ANK3: variants seen among roughly 807,000 people sequenced by gnomAD.
The protein encoded by ANK3 is ankyrin 3, also known as ankyrin-3.
Under a neutral mutation model 370.9 loss-of-function variants are expected in ANK3, and 57 were observed. The ratio of observed to expected loss-of-function variants is 0.15; its 90% CI spans 0.12 to 0.19. The LOEUF is 0.19. Ranked by LOEUF, ANK3 falls within the 10% of genes least tolerant of loss-of-function variation. The pLI is 1.00. For synonymous variants in ANK3, 1,929 were observed against 1,946.3 expected (o/e 0.99, Z 0.23); for missense variants, 4,439 against 5,302.1 (o/e 0.84, Z 5.06).
At position 60,074,881 on chromosome 10, in the gene ANK3, G is replaced by A; in HGVS notation, c.6000C>T (p.Ala2000=). 1 of 1,613,784 alleles carries A rather than the reference G, an allele frequency of 6.2e-7. No homozygotes were observed. Among genetic ancestry groups the A allele is most frequent in the Non-Finnish European group, 8.5e-7 (1 of 1,179,930 alleles). ...IEFSSEEIRE[A]RQQAAASQSP... Reference sequence around the variant, plus strand: ...ACTGGCTCGCAGCAGCTTGTTGTCTGGCTTCCCGGATTTCTTCCGAACTAA... The same window carrying A: ...ACTGGCTCGCAGCAGCTTGTTGTCTAGCTTCCCGGATTTCTTCCGAACTAA... Residue 2000 remains alanine (A), a synonymous_variant, in exon 37 of 44, where the codon GCC becomes GCT. Transcript: ENST00000280772.
chr10:60,122,802 A>C (rs1434321684), intron 25 of ANK3, among the ~76,000 whole-genome samples: 1 of 152,240 alleles, frequency 6.6e-6, no homozygotes, highest in Non-Finnish European at 1.5e-5. Flanking sequence ...GGTGGAAAAC[A>C]GCAAAAATAA....
chr10:60,698,674 T>C (rs1350217915), intron 1 of ANK3, among the ~76,000 whole-genome samples: 1 of 139,556 alleles, frequency 7.2e-6, no homozygotes, highest in African/African-American at 2.7e-5. Flanking sequence ...ACACCGCATA[T>C]TCTCACTCAT....
At chr10:60,343,367 A>G (rs1336644508) in intron 1 of ANK3, among the ~76,000 whole-genome samples, 3 of 152,142 alleles carry the variant, frequency 2.0e-5, no homozygotes, top group Non-Finnish European at 2.9e-5. Context: ...TTTATTTTAC[A>G]TAGTACTCTC....
chr10:60,249,148 A>G (rs1487938224), intron 7 of ANK3, among the ~76,000 whole-genome samples: 1 of 152,204 alleles, frequency 6.6e-6, no homozygotes, highest in Non-Finnish European at 1.5e-5. Context: ...AGAAAGATCT[A>G]TGAGTAGAGA....
At chr10:60,525,505 T>C (rs1468169274) in intron 2 of ANK3, among the ~76,000 whole-genome samples, 1 of 152,108 alleles carries the variant, frequency 6.6e-6, no homozygotes, top group Non-Finnish European at 1.5e-5. Context: ...TTAGGTGTCT[T>C]AGAAAGATAT....
intron 8 of ANK3, among the ~76,000 whole-genome samples, chr10:60,226,540 AG>A (rs2097158721): frequency 3.6e-5 from 3 of 83,200 alleles, no homozygotes; most frequent in Admixed American, 1.4e-4. Flanking sequence ...ATATATACAT[AG>A]TATATATACT....
chr10:60,254,257 T>A (rs10994284), intron 7 of ANK3, among the ~76,000 whole-genome samples: 22,220 of 151,790 alleles, frequency 0.15, 1,668 homozygotes, highest in African/African-American at 0.16. Flanking sequence ...CCAAATATCT[T>A]CCATCCATGG....
intron 1 of ANK3, among the ~76,000 whole-genome samples, chr10:60,299,120 A>G (rs2043155472): frequency 6.6e-6 from 1 of 152,142 alleles, no homozygotes; most frequent in Non-Finnish European, 1.5e-5. Flanking sequence ...TACGAATCTC[A>G]AAGATTACCC....
intron 43 of ANK3, among the ~76,000 whole-genome samples, chr10:60,035,117 G>T (rs1304523192): frequency 6.6e-6 from 1 of 152,084 alleles, no homozygotes; most frequent in African/African-American, 2.4e-5. Context: ...TTTTTATTAG[G>T]TAAAGATATT....
At chr10:60,723,076 A>G (rs995569408) in intron 1 of ANK3, among the ~76,000 whole-genome samples, 3 of 152,270 alleles carry the variant, frequency 2.0e-5, no homozygotes, top group East Asian at 1.9e-4. Flanking sequence ...TAAAGAGTAC[A>G]TTAAAAATAT....
chr10:60,413,238 T>C (rs920107413), intron 2 of ANK3, among the ~76,000 whole-genome samples: 1 of 152,250 alleles, frequency 6.6e-6, no homozygotes, highest in Admixed American at 6.5e-5. Flanking sequence ...ATAAAAGAAG[T>C]CTATTTCCTC....
chr10:60,182,378 T>A (rs747133150), intron 17 of ANK3, among the ~76,000 whole-genome samples: 5 of 152,300 alleles, frequency 3.3e-5, no homozygotes, highest in Non-Finnish European at 7.3e-5. Flanking sequence ...TATTAGAGAA[T>A]TTGCAGAACA....
In ANK3 at chr10:60,181,137, C is replaced by T. The variant is rs980289300; in HGVS notation, c.2184+192G>A. ...TGCAGCTAGAATCAAGTACCCAGGCCGTTAAAGACAAAAGTCCCTGGAATA... is the reference window on the plus strand; with the variant it reads ...TGCAGCTAGAATCAAGTACCCAGGCTGTTAAAGACAAAAGTCCCTGGAATA... On this transcript the variant is annotated intron_variant, in intron 18 of 43. Coordinates refer to ENST00000280772, the MANE Select transcript of ANK3 (RefSeq NM_020987.5). Among the ~76,000 whole-genome samples the T allele has an allele frequency of 5.9e-5, 9 of 152,190 alleles. No individual in the cohort carries two copies. In the East Asian group the frequency reaches 1.7e-3, roughly 29 times the overall value.
intron 2 of ANK3, among the ~76,000 whole-genome samples, chr10:60,421,240 G>T (rs188705461): frequency 2.0e-5 from 3 of 152,190 alleles, no homozygotes; most frequent in African/African-American, 7.2e-5. Flanking sequence ...AAGAATTTTG[G>T]AGATAGATAG....
At chr10:60,446,070 A>C (rs1046968580) in intron 2 of ANK3, among the ~76,000 whole-genome samples, 1 of 152,212 alleles carries the variant, frequency 6.6e-6, no homozygotes, top group Non-Finnish European at 1.5e-5. Flanking sequence ...TTAAATACCC[A>C]GCTTGAAATC....
intron 2 of ANK3, among the ~76,000 whole-genome samples, chr10:60,396,806 G>A (rs1226872874): frequency 6.6e-6 from 1 of 152,182 alleles, no homozygotes; most frequent in East Asian, 1.9e-4. Context: ...AAGTAGCTAT[G>A]AGACCTTACA....
rs566776990 is a variant in ANK3 at position 60,412,121 on chromosome 10, C to T, written c.97-132482G>A. On this transcript the variant is annotated intron_variant, in intron 2 of 43. Transcript: ENST00000373827. ...GAAGCAAGTGGGAAGATGTTCCCAGCCACCAGGTAGACAAACTATGTGTGT... is the reference window on the plus strand; with the variant it reads ...GAAGCAAGTGGGAAGATGTTCCCAGTCACCAGGTAGACAAACTATGTGTGT... Among the ~76,000 whole-genome samples the T allele has an allele frequency of 9.9e-5, 15 of 152,234 alleles. No individual in the cohort carries two copies. The East Asian group carries it at 2.7e-3, about 27-fold the overall frequency.
At chr10:60,302,847 A>C (rs2044132341) in intron 1 of ANK3, among the ~76,000 whole-genome samples, 1 of 152,138 alleles carries the variant, frequency 6.6e-6, no homozygotes, top group African/African-American at 2.4e-5. Flanking sequence ...AAACAACAAA[A>C]AAAAAAACCC....
chr10:60,447,898 T>C (rs1300931187), intron 2 of ANK3, among the ~76,000 whole-genome samples: 1 of 152,184 alleles, frequency 6.6e-6, no homozygotes, highest in Non-Finnish European at 1.5e-5. Flanking sequence ...AATCTTTTCC[T>C]TCTCTAAAAT....
Sources: gnomAD v4.1 joint callset for allele counts (sites outside exome capture counted in the v4.1 genomes callset) on GRCh38, gnomAD v4.1.1 for gene constraint, MANE v1.5 for transcripts, NCBI Gene and HGNC (gene_info 2026-07-23, HGNC 2026-07-21) for gene names.